UGGT2: variants seen among roughly 807,000 people sequenced by gnomAD.
UGGT2 encodes UDP-glucose:glycoprotein glucosyltransferase 2.
Under a neutral mutation model 192.1 loss-of-function variants are expected in UGGT2, and 180 were observed. That is an observed-to-expected ratio of 0.94 (90% CI 0.83 to 1.06). The LOEUF is 1.06. Among genes scored for constraint, UGGT2 ranks in the 50% least tolerant of loss-of-function variants. UGGT2 has a pLI of 0.00. For synonymous variants in UGGT2, 580 were observed against 591.0 expected, an observed-to-expected ratio of 0.98 and a Z score of 0.27; for missense variants, 1,849 against 1,795.7, an observed-to-expected ratio of 1.03 and a Z score of -0.54.
intron 24 of UGGT2, among the ~76,000 whole-genome samples, chr13:95,893,021 C>T (rs1291215336): frequency 6.6e-6 from 1 of 152,118 alleles, no homozygotes; most frequent in African/African-American, 2.4e-5. Flanking sequence ...TCCACAGAGT[C>T]TAAATGGAAG....
At chr13:95,912,632 G>T (rs1322957446) in intron 20 of UGGT2, among the ~76,000 whole-genome samples, 2 of 152,194 alleles carry the variant, frequency 1.3e-5, no homozygotes, top group Non-Finnish European at 2.9e-5. Flanking sequence ...TGGATAGGAA[G>T]ACTCAATATC....
At chr13:95,926,476 G>A (rs568975899) in intron 19 of UGGT2, among the ~76,000 whole-genome samples, 64 of 152,138 alleles carry the variant, frequency 4.2e-4, no homozygotes, top group African/African-American at 1.4e-3. Flanking sequence ...GAGCAAAGCA[G>A]GCCAAACAAA....
intron 29 of UGGT2, among the ~76,000 whole-genome samples, chr13:95,876,054 T>G (rs1279606315): frequency 7.2e-6 from 1 of 139,096 alleles, no homozygotes; most frequent in Non-Finnish European, 1.6e-5. Context: ...ATTTTTACAC[T>G]TTAAAATAAT....
chr13:95,819,514 ATG>A (rs79490866), intron 38 of UGGT2, among the ~76,000 whole-genome samples: 1 of 108,896 alleles, frequency 9.2e-6, no homozygotes, highest in Non-Finnish European at 2.4e-5. Flanking sequence ...ATACATATGT[ATG>A]TATGTAATAG....
intron 20 of UGGT2, among the ~76,000 whole-genome samples, chr13:95,907,752 T>C (rs945451213): frequency 6.6e-6 from 1 of 152,048 alleles, no homozygotes; most frequent in Non-Finnish European, 1.5e-5. Context: ...GTCACCAACA[T>C]CAAAGACCAA....
chr13:95,889,406 A>C (rs1439714324), intron 25 of UGGT2, among the ~76,000 whole-genome samples: 2 of 152,142 alleles, frequency 1.3e-5, no homozygotes, highest in Non-Finnish European at 2.9e-5. Flanking sequence ...TTTTCCAATG[A>C]GATTTGGCAG....
chr13:95,964,273 T>C (rs918947749), intron 12 of UGGT2, among the ~76,000 whole-genome samples: 3 of 152,122 alleles, frequency 2.0e-5, no homozygotes, highest in Non-Finnish European at 4.4e-5. Context: ...ATATGCAGAA[T>C]AATGAAGCTA....
intron 32 of UGGT2, 81 bp downstream of exon 32, chr13:95,860,707 G>A: frequency 2.3e-6 from 2 of 869,880 alleles, no homozygotes; most frequent in Non-Finnish European, 3.3e-6. Flanking sequence ...TTTTCCCAGT[G>A]TATATTCCTT....
intron 7 of UGGT2, chr13:95,995,413 A>G (rs1441975654): frequency 6.6e-6 from 1 of 152,140 alleles, no homozygotes; most frequent in Non-Finnish European, 1.5e-5. Flanking sequence ...GATTTTAAAA[A>G]TAGTATGAGT....
intron 12 of UGGT2, among the ~76,000 whole-genome samples, chr13:95,965,304 C>A (rs1225233517): frequency 2.1e-5 from 3 of 144,976 alleles, no homozygotes; most frequent in African/African-American, 2.6e-5. Context: ...ATGTTTATTG[C>A]GGCACTATTC....
At chr13:95,818,038 C>A (rs912560016) in intron 38 of UGGT2, among the ~76,000 whole-genome samples, 1 of 152,152 alleles carries the variant, frequency 6.6e-6, no homozygotes, top group Non-Finnish European at 1.5e-5. Flanking sequence ...CCTGGCCAGG[C>A]ACTCATGCCT....
At chr13:96,045,168 G>A (rs2053271546) in intron 1 of UGGT2, among the ~76,000 whole-genome samples, 2 of 151,988 alleles carry the variant, frequency 1.3e-5, no homozygotes, top group African/African-American at 4.8e-5. Context: ...TTTCATAACA[G>A]GGATGGTTTA....
chr13:96,043,770 G>A (rs563381938), intron 1 of UGGT2, among the ~76,000 whole-genome samples: 1 of 152,168 alleles, frequency 6.6e-6, no homozygotes, highest in African/African-American at 2.4e-5. Context: ...AAAAGACAAA[G>A]AGGGACATTA....
intron 21 of UGGT2, among the ~76,000 whole-genome samples, chr13:95,902,126 C>T (rs755795088): frequency 2.9e-4 from 44 of 152,092 alleles, no homozygotes; most frequent in Non-Finnish European, 6.0e-4. Context: ...GAAAAATATA[C>T]GACCAAGGCT....
chr13:95,893,004 T>C (rs563343660), intron 24 of UGGT2, among the ~76,000 whole-genome samples: 2 of 152,256 alleles, frequency 1.3e-5, no homozygotes, highest in East Asian at 3.9e-4. Flanking sequence ...GTTAGAAGAA[T>C]GTCAAATCCA....
intron 38 of UGGT2, among the ~76,000 whole-genome samples, chr13:95,803,933 G>A (rs1461775188): frequency 6.6e-6 from 1 of 151,942 alleles, no homozygotes; most frequent in Non-Finnish European, 1.5e-5. Flanking sequence ...AAGAACTAAA[G>A]CAATATTCAA....
chr13:95,891,260 C>T (rs2047793275), intron 24 of UGGT2, among the ~76,000 whole-genome samples: 1 of 152,078 alleles, frequency 6.6e-6, no homozygotes, highest in Non-Finnish European at 1.5e-5. Flanking sequence ...TCAACATTCT[C>T]ATGGATTGTA....
chr13:96,023,493 A>C (rs1359440224), intron 3 of UGGT2, 136 bp downstream of exon 3: 1 of 807,468 alleles, frequency 1.2e-6, no homozygotes, highest in African/African-American at 1.8e-5. Context: ...AACAATAATA[A>C]TATAATCAAT....
chr13:95,898,306 C>T lies in UGGT2; in HGVS notation c.2634+2501G>A, dbSNP rs569104393. On this transcript the variant is annotated intron_variant, in intron 22 of 38. Coordinates refer to ENST00000376747, the MANE Select transcript of UGGT2 (RefSeq NM_020121.4). ...AACTCATTCAGAGTAAAGTGGGAGTCCTTAAACTTCCTATAAAACCCAATA... is the reference window on the plus strand; with the variant it reads ...AACTCATTCAGAGTAAAGTGGGAGTTCTTAAACTTCCTATAAAACCCAATA... Among the ~76,000 whole-genome samples, 9 of 152,204 alleles carry T rather than the reference C, an allele frequency of 5.9e-5. No individual in the cohort carries two copies. The South Asian group carries it at 1.9e-3, about 32-fold the overall frequency.
Sources: gnomAD v4.1 joint callset for allele counts (sites outside exome capture counted in the v4.1 genomes callset) on GRCh38, gnomAD v4.1.1 for gene constraint, MANE v1.5 for transcripts, NCBI Gene and HGNC (gene_info 2026-07-23, HGNC 2026-07-21) for gene names.